Variants in CA13 observed in about 807,000 individuals in gnomAD.
CA13 encodes the protein CA-XIII.
Under a neutral mutation model 31.5 loss-of-function variants are expected in CA13, and 21 were observed. The observed-to-expected ratio is 0.67, with a 90% CI of 0.47 to 0.96. The LOEUF is 0.96. Among genes scored for constraint, CA13 ranks in the 40% least tolerant of loss-of-function variants. The pLI, the probability that CA13 is intolerant of heterozygous loss-of-function variation, is 0.00. For missense variants in CA13, 315 were observed against 318.9 expected (o/e 0.99, Z 0.09); for synonymous variants, 117 against 111.4 (o/e 1.05, Z -0.32).
At chr8:85,253,279 T>A (rs930787966) in intron 2 of CA13, among the ~76,000 whole-genome samples, 16 of 150,230 alleles carry the variant, frequency 1.1e-4, no homozygotes, top group African/African-American at 4.9e-5. Context: ...TTATTTATTT[T>A]TTTGAGACAA....
intron 2 of CA13, among the ~76,000 whole-genome samples, chr8:85,251,779 T>A (rs1813833780): frequency 6.6e-6 from 1 of 152,236 alleles, no homozygotes; most frequent in Non-Finnish European, 1.5e-5. Context: ...TCTCCTGAAG[T>A]AACTAATGTT....
At chr8:85,256,629 T>C (rs1807301068) in intron 2 of CA13, among the ~76,000 whole-genome samples, 4 of 152,042 alleles carry the variant, frequency 2.6e-5, no homozygotes, top group African/African-American at 9.7e-5. Context: ...AGGTGTATAA[T>C]CCCCCCAGGA....
At chr8:85,262,234 A>G (rs1293115789) in intron 3 of CA13, among the ~76,000 whole-genome samples, 2 of 152,190 alleles carry the variant, frequency 1.3e-5, no homozygotes, top group Non-Finnish European at 1.5e-5. Context: ...AGAATCAACC[A>G]TGCTCCTAAT....
At chr8:85,259,672 C>G in intron 3 of CA13, 133 bp downstream of exon 3, 1 of 681,236 alleles carries the variant, frequency 1.5e-6, no homozygotes, top group South Asian at 1.9e-5. Context: ...CTGCTTTATT[C>G]ATTCAATATG....
chr8:85,246,683 G>A (rs538001857), intron 1 of CA13: 2 of 334,830 alleles, frequency 6.0e-6, no homozygotes, highest in East Asian at 1.5e-4. Flanking sequence ...AAACTGAACT[G>A]ATTGTTTAAA....
chr8:85,251,996 A>T (rs1460086245), intron 2 of CA13, among the ~76,000 whole-genome samples: 2 of 152,290 alleles, frequency 1.3e-5, no homozygotes, highest in Middle Eastern at 3.4e-3. Flanking sequence ...GGTGGCTCAC[A>T]TGTATAATCC....
intron 2 of CA13, 32 bp downstream of exon 2, chr8:85,250,969 T>C (rs1474895053): frequency 6.7e-7 from 1 of 1,492,154 alleles, no homozygotes; most frequent in Admixed American, 1.7e-5. Context: ...TGTGTGGTGG[T>C]GGATGAAGGG....
intron 6 of CA13, among the ~76,000 whole-genome samples, chr8:85,275,736 G>A (rs1045100119): frequency 2.6e-5 from 4 of 152,102 alleles, no homozygotes; most frequent in Admixed American, 6.5e-5. Flanking sequence ...TACGACTACC[G>A]GATACTCCTA....
intron 1 of CA13, chr8:85,249,824 G>T (rs776630390): frequency 6.6e-6 from 3 of 451,700 alleles, no homozygotes; most frequent in South Asian, 4.7e-5. Context: ...TGGAACTTAC[G>T]TGAAACTACA....
At position 85,267,913 on chromosome 8, in the gene CA13, TA is replaced by T; in HGVS notation, c.464del (p.Asn155IlefsTer59). 6.3e-7 allele frequency: 1 copy of T among 1,597,540 alleles called. No individual in the cohort carries two copies. Among genetic ancestry groups the T allele is most frequent in the Non-Finnish European group, 8.6e-7 (1 of 1,167,160 alleles). On this transcript the variant is annotated frameshift_variant, in exon 5 of 7. Transcript: ENST00000321764. LOFTEE classifies it high-confidence loss of function. Reference protein sequence around the residue: ...LGVFLQIGEPNSQLQKITDTL... With the variant: ...LGVFLQIGEPXSQLQKITDTL... ...TTTCATGTTTTTAGATTGGTGAACC[TA>T]ATTCCCAACTGCAAAAGATTACTGA...
At chr8:85,280,386 C>T (rs1311002047) in intron 6 of CA13, among the ~76,000 whole-genome samples, 1 of 152,154 alleles carries the variant, frequency 6.6e-6, no homozygotes, top group Non-Finnish European at 1.5e-5. Flanking sequence ...AAACTGTTGC[C>T]TATTTCTTAT....
Position 85,266,698 on chromosome 8 carries a change from T to G in CA13, c.445T>G (p.Leu149Val). The change falls in exon 4 of 7, where the codon TTA (leucine) becomes GTA (valine). Residue 149 changes from leucine (L) to valine (V), a missense_variant. Transcript: ENST00000321764. Reference protein sequence around the residue: ...PDGLAVLGVFLQIGEPNSQLQ... With the variant: ...PDGLAVLGVFVQIGEPNSQLQ... Reference sequence around the variant, plus strand: ...TGGACTGGCTGTCTTGGGAGTGTTTTTACAGGTGAGAATCTACTGTTTTCA... The same window carrying G: ...TGGACTGGCTGTCTTGGGAGTGTTTGTACAGGTGAGAATCTACTGTTTTCA... 1.2e-6 allele frequency: 2 copies of G among 1,612,410 alleles called. No homozygotes were observed. The highest frequency in any genetic ancestry group is 1.7e-5 in the Admixed American group (1 of 59,952).
At chr8:85,246,548 A>C (rs1312719427) in intron 1 of CA13, 6 of 455,324 alleles carry the variant, frequency 1.3e-5, no homozygotes, top group South Asian at 9.3e-5. Context: ...GGGTGAGCAA[A>C]GGATTACTGA....
chr8:85,279,259 AGCTTTGCTG>A (rs1807662691), intron 6 of CA13, among the ~76,000 whole-genome samples: 1 of 152,238 alleles, frequency 6.6e-6, no homozygotes, highest in South Asian at 2.1e-4. Context: ...ACAGAGGAGC[AGCTTTGCTG>A]CTTGAATAAA....
chr8:85,270,859 G>C (rs930572016), intron 6 of CA13, among the ~76,000 whole-genome samples: 1 of 152,136 alleles, frequency 6.6e-6, no homozygotes, highest in Non-Finnish European at 1.5e-5. Context: ...AATTGTGACT[G>C]CCTAGCTGAG....
chr8:85,279,222 C>A (rs2130017248), intron 6 of CA13, among the ~76,000 whole-genome samples: 1 of 152,304 alleles, frequency 6.6e-6, no homozygotes, highest in Non-Finnish European at 1.5e-5. Context: ...CTACTGGGAA[C>A]CTGTAGGTAC....
At position 85,259,461 on chromosome 8, in the gene CA13, G is replaced by C; in HGVS notation, c.276G>C (p.Arg92=). The change falls in exon 3 of 7, where the codon CGG becomes CGC. Residue 92 remains arginine (R), a synonymous_variant. Transcript: ENST00000321764. ...GGPLTGSYRL[R]QVHLHWGSAD... is the part of the protein sequence containing the mutation. The stretch of plus-strand genomic sequence containing the variant: ...CTCTCACTGGAAGCTACAGGTTACG[G>C]CAGGTTCACCTTCACTGGGGGTCCG... 6.2e-7 allele frequency: 1 copy of C among 1,614,060 alleles called. No homozygotes were observed. Among genetic ancestry groups the C allele is most frequent in the Non-Finnish European group, 8.5e-7 (1 of 1,179,986 alleles).
chr8:85,271,559 C>T (rs182311670), intron 6 of CA13, among the ~76,000 whole-genome samples: 47 of 152,332 alleles, frequency 3.1e-4, no homozygotes, highest in African/African-American at 8.2e-4. Flanking sequence ...GACAACTTCT[C>T]TTGCCAAGTC....
chr8:85,276,137 C>G (rs1484813712), intron 6 of CA13, among the ~76,000 whole-genome samples: 2 of 152,102 alleles, frequency 1.3e-5, no homozygotes, highest in Non-Finnish European at 2.9e-5. Flanking sequence ...GGCGTGGGCT[C>G]GGTGGGTCCC....
Sources: allele counts gnomAD v4.1 joint callset (sites outside exome capture counted in the v4.1 genomes callset), GRCh38; gene constraint gnomAD v4.1.1; transcripts MANE v1.5; gene names NCBI Gene and HGNC (gene_info 2026-07-23, HGNC 2026-07-21).